RBFOX1: variants seen among roughly 807,000 people sequenced by gnomAD.
RBFOX1 encodes the protein RNA binding protein fox-1 homolog 1.
Under a neutral mutation model 57.7 loss-of-function variants are expected in RBFOX1, and 8 were observed. That is an observed-to-expected ratio of 0.14 (90% CI 0.08 to 0.25). The LOEUF is 0.25. Ranked by LOEUF, RBFOX1 falls within the 10% of genes least tolerant of loss-of-function variation. The pLI is 1.00. For missense variants in RBFOX1, 611 were observed against 548.5 expected (o/e 1.11, Z -1.14); for synonymous variants, 326 against 222.4 (o/e 1.47, Z -4.15).
chr16:7,490,415 T>C (rs1224986186), intron 4 of RBFOX1, among the ~76,000 whole-genome samples: 1 of 152,198 alleles, frequency 6.6e-6, no homozygotes, highest in African/African-American at 2.4e-5. Context: ...CTAGAGTGGA[T>C]TGGTCTATGA....
At chr16:7,591,881 C>T (rs752731554) in intron 7 of RBFOX1, among the ~76,000 whole-genome samples, 10 of 152,140 alleles carry the variant, frequency 6.6e-5, no homozygotes, top group Non-Finnish European at 1.3e-4. Context: ...TGAGGCGGGT[C>T]AGAAAAAACA....
intron 3 of RBFOX1, among the ~76,000 whole-genome samples, chr16:5,713,737 G>C (rs1405885345): frequency 6.6e-6 from 1 of 152,208 alleles, no homozygotes; most frequent in Non-Finnish European, 1.5e-5. Flanking sequence ...CAGCATCACA[G>C]AGAGACTCAT....
intron 12 of RBFOX1, among the ~76,000 whole-genome samples, chr16:7,663,361 T>A (rs527353391): frequency 1.3e-5 from 2 of 152,242 alleles, no homozygotes; most frequent in Admixed American, 1.3e-4. Flanking sequence ...CCTACCAACC[T>A]CCTTAGTGTG....
chr16:5,263,294 T>A (rs927269606), intron 1 of RBFOX1, among the ~76,000 whole-genome samples: 1 of 152,052 alleles, frequency 6.6e-6, no homozygotes, highest in Non-Finnish European at 1.5e-5. Flanking sequence ...AATTGCTGTT[T>A]TTGCCATTAC....
At chr16:6,450,833 ATATGTG>A (rs1198383611) in intron 2 of RBFOX1, among the ~76,000 whole-genome samples, 1,194 of 35,006 alleles carry the variant, frequency 0.034, 167 homozygotes, top group Middle Eastern at 0.069. Flanking sequence ...ATATATATAT[ATATGTG>A]TATATATATA....
chr16:5,371,500 C>G (rs1439010399), intron 1 of RBFOX1, among the ~76,000 whole-genome samples: 1 of 152,200 alleles, frequency 6.6e-6, no homozygotes, highest in African/African-American at 2.4e-5. Flanking sequence ...CAACACAAAT[C>G]TCTGTTGTTT....
intron 1 of RBFOX1, among the ~76,000 whole-genome samples, chr16:6,222,154 G>A (rs926854592): frequency 6.6e-6 from 1 of 152,054 alleles, no homozygotes; most frequent in East Asian, 1.9e-4. Flanking sequence ...GTAGTCCAAT[G>A]GAAATGAATG....
intron 3 of RBFOX1, among the ~76,000 whole-genome samples, chr16:6,739,342 C>T (rs949823375): frequency 1.3e-5 from 2 of 152,008 alleles, no homozygotes; most frequent in Non-Finnish European, 2.9e-5. Flanking sequence ...GTACTCTGAA[C>T]AGCTCTGCAC....
chr16:6,442,390 C>T (rs1225417334), intron 2 of RBFOX1, among the ~76,000 whole-genome samples: 1 of 152,026 alleles, frequency 6.6e-6, no homozygotes, highest in African/African-American at 2.4e-5. Flanking sequence ...AATCCTGTCT[C>T]TACTGAAAAT....
At chr16:6,495,617 T>C (rs1290494912) in intron 2 of RBFOX1, among the ~76,000 whole-genome samples, 2 of 152,244 alleles carry the variant, frequency 1.3e-5, no homozygotes, top group Non-Finnish European at 2.9e-5. Flanking sequence ...AGCTCACAGC[T>C]CTGCCTTAAA....
intron 1 of RBFOX1, among the ~76,000 whole-genome samples, chr16:6,216,885 C>CTTTT (rs2097339068): frequency 6.6e-6 from 1 of 151,206 alleles, no homozygotes. Flanking sequence ...TTTTTTTCCG[C>CTTTT]TCTCCCTTGG....
intron 2 of RBFOX1, among the ~76,000 whole-genome samples, chr16:6,335,448 A>C (rs887619653): frequency 4.6e-5 from 7 of 152,114 alleles, no homozygotes; most frequent in African/African-American, 1.7e-4. Context: ...CATTTCTTTA[A>C]CCATGTTCAT....
chr16:6,655,635 A>G (rs919200190), intron 3 of RBFOX1, among the ~76,000 whole-genome samples: 6 of 152,140 alleles, frequency 3.9e-5, no homozygotes, highest in East Asian at 1.9e-4. Context: ...GTTCACAGAC[A>G]TTTCTGCAGC....
intron 1 of RBFOX1, among the ~76,000 whole-genome samples, chr16:5,260,369 A>G (rs1332497238): frequency 1.3e-5 from 2 of 152,242 alleles, no homozygotes; most frequent in Non-Finnish European, 2.9e-5. Context: ...GCTATGCACA[A>G]AGATGGCTAG....
intron 4 of RBFOX1, among the ~76,000 whole-genome samples, chr16:7,241,110 T>C (rs2094033041): frequency 6.6e-6 from 1 of 152,206 alleles, no homozygotes; most frequent in South Asian, 2.1e-4. Flanking sequence ...TTGCCATTTC[T>C]GGCTTGAGAC....
At chr16:7,420,104 C>T (rs2098526054) in intron 4 of RBFOX1, among the ~76,000 whole-genome samples, 1 of 152,000 alleles carries the variant, frequency 6.6e-6, no homozygotes, top group African/African-American at 2.4e-5. Context: ...TCCTGTTCAG[C>T]GTTTGACAAC....
chr16:6,904,653 A>G (rs192074436), intron 3 of RBFOX1, among the ~76,000 whole-genome samples: 1 of 150,340 alleles, frequency 6.7e-6, no homozygotes, highest in African/African-American at 2.4e-5. Context: ...AAAAATTCAT[A>G]CATCTTGTAC....
chr16:6,123,725 C>G (rs983594472), intron 1 of RBFOX1, among the ~76,000 whole-genome samples: 3 of 152,162 alleles, frequency 2.0e-5, no homozygotes, highest in South Asian at 4.1e-4. Context: ...GGCAACATGG[C>G]AAAATCCCGT....
intron 4 of RBFOX1, among the ~76,000 whole-genome samples, chr16:7,224,937 G>C (rs1411886503): frequency 1.3e-5 from 2 of 152,178 alleles, no homozygotes; most frequent in African/African-American, 4.8e-5. Flanking sequence ...TCACAGTGAT[G>C]AGGAGGGTGA....
Sources: gnomAD v4.1 joint callset for allele counts (sites outside exome capture counted in the v4.1 genomes callset) on GRCh38, gnomAD v4.1.1 for gene constraint, MANE v1.5 for transcripts, NCBI Gene and HGNC (gene_info 2026-07-23, HGNC 2026-07-21) for gene names.